ZBTB11: variants seen among roughly 807,000 people sequenced by gnomAD.
ZBTB11 encodes zinc finger and BTB domain containing 11.
In ZBTB11, 68 loss-of-function variants were observed where a neutral mutation model predicts 113.1. The ratio of observed to expected loss-of-function variants is 0.60; its 90% CI spans 0.49 to 0.74. The LOEUF (loss-of-function observed/expected upper bound fraction) is 0.74, where lower values mean the gene tolerates loss of function less well. Ranked by LOEUF, ZBTB11 falls within the 30% of genes least tolerant of loss-of-function variation. The probability of loss-of-function intolerance (pLI) is 0.00; values close to 1 mark genes in which losing one functional copy is unlikely to be tolerated. For synonymous variants in ZBTB11, 518 were observed against 452.6 expected, an observed-to-expected ratio of 1.14 and a Z score of -1.83; for missense variants, 1,104 against 1,279.4, an observed-to-expected ratio of 0.86 and a Z score of 2.09.
Position 101,665,640 on chromosome 3 carries a change from A to T in ZBTB11, c.947T>A (p.Leu316Gln), listed in dbSNP as rs753170907. 3 of 1,614,202 alleles carry T rather than the reference A, an allele frequency of 1.9e-6. No individual in the cohort carries two copies. The highest frequency in any genetic ancestry group is 2.5e-6 in the Non-Finnish European group (3 of 1,180,042). Residue 316 changes from leucine (L) to glutamine (Q), a missense_variant, in exon 4 of 11, where the codon CTA becomes CAA. Leu to Gln is a moderately radical substitution (Grantham distance 113, BLOSUM62 -2). Transcript: ENST00000312938. ...SVHKLMEEKQ[L>Q]TVYKKGEVQT... ...TACTTCGCCCTTCTTATATACTGTT[A>T]GCTGCTTCTCTTCCATTAGCTTATG... is the stretch of plus-strand genomic sequence containing the variant.
At chr3:101,672,814 C>CA (rs1937103983) in intron 1 of ZBTB11, among the ~76,000 whole-genome samples, 1 of 152,250 alleles carries the variant, frequency 6.6e-6, no homozygotes, top group Non-Finnish European at 1.5e-5. Context: ...GATTTGCACA[C>CA]ATGTGATGTG....
intron 2 of ZBTB11, 175 bp downstream of exon 2, chr3:101,671,802 AT>A (rs1937090264): frequency 1.6e-6 from 1 of 617,034 alleles, no homozygotes; most frequent in East Asian, 2.7e-5. Context: ...TTCTGAAAAA[AT>A]AACAGGAACA....
At chr3:101,676,491 C>T in intron 1 of ZBTB11, 114 bp downstream of exon 1, 1 of 1,117,510 alleles carries the variant, frequency 8.9e-7, no homozygotes. Context: ...AGCAGCTCCG[C>T]CGCCCAGAGG....
chr3:101,663,238 AATTTTTGT>A (rs1936923965), intron 5 of ZBTB11, among the ~76,000 whole-genome samples: 1 of 151,790 alleles, frequency 6.6e-6, no homozygotes, highest in African/African-American at 2.4e-5. Context: ...GCACCCAGCC[AATTTTTGT>A]ATTTTTGTAG....
intron 5 of ZBTB11, among the ~76,000 whole-genome samples, chr3:101,664,059 G>A (rs1252859783): frequency 6.6e-6 from 1 of 152,174 alleles, no homozygotes; most frequent in Admixed American, 6.5e-5. Context: ...GTAGAAGATG[G>A]ATCTTTGGCT....
At chr3:101,660,719 T>A (rs1400252613) in intron 5 of ZBTB11, among the ~76,000 whole-genome samples, 1 of 152,224 alleles carries the variant, frequency 6.6e-6, no homozygotes, top group Non-Finnish European at 1.5e-5. Context: ...TCTTTATCAA[T>A]ATAGTTATAT....
chr3:101,676,036 C>T (rs1337694386), intron 1 of ZBTB11, among the ~76,000 whole-genome samples: 1 of 152,240 alleles, frequency 6.6e-6, no homozygotes, highest in African/African-American at 2.4e-5. Flanking sequence ...CTCAATCACT[C>T]CTTATCACTT....
At chr3:101,663,664 G>A (rs1482482403) in intron 5 of ZBTB11, among the ~76,000 whole-genome samples, 1 of 152,152 alleles carries the variant, frequency 6.6e-6, no homozygotes, top group Non-Finnish European at 1.5e-5. Flanking sequence ...GCAGAGACAG[G>A]TGGATCATTT....
Position 101,649,309 on chromosome 3 carries a change from A to G in ZBTB11, c.*1857T>C, listed in dbSNP as rs1208263131. The G allele has an allele frequency of 6.6e-6, 1 of 152,196 alleles. No homozygotes were observed. Among genetic ancestry groups the G allele is most frequent in the Non-Finnish European group, 1.5e-5 (1 of 68,032 alleles). 9.4% of individuals were successfully genotyped at this position (152,196 alleles called of 1,614,324 possible). A position where few individuals can be genotyped will look rare whatever the true frequency, so the allele number is the denominator to read the frequency against. On this transcript the variant is annotated 3_prime_UTR_variant, in exon 11 of 11. Transcript: ENST00000312938. The stretch of plus-strand genomic sequence containing the variant: ...TTATATGTAAGAGTAAGAAGTTTTA[A>G]TATTGTGTTCCTCCAATCGTTATTT...
chr3:101,672,270 A>C (rs1233954066), intron 1 of ZBTB11, 57 bp from the exon 2 acceptor site: 8 of 1,256,900 alleles, frequency 6.4e-6, no homozygotes, highest in Middle Eastern at 2.3e-4. Flanking sequence ...AACAGAATAT[A>C]TTATTTAGTC....
At position 101,652,128 on chromosome 3, in the gene ZBTB11, CA is replaced by C. The variant is rs756406346; in HGVS notation, c.2644+367del. On this transcript the variant is annotated intron_variant, in intron 10 of 10. Transcript: ENST00000312938. ...TGGGTGACAGAGCAAGACTTTGTCT[CA>C]AAAAAAAAAAGAATAAACAAGATTC... 4.2e-3 allele frequency among the ~76,000 whole-genome samples: 588 copies of C among 141,218 alleles called. 3 individuals carry two copies. Among genetic ancestry groups the C allele is most frequent in the Admixed American group, 0.013 (180 of 14,162 alleles). 92.6% of individuals were successfully genotyped at this position (141,218 alleles called of 152,430 possible). A position where few individuals can be genotyped will look rare whatever the true frequency, so the allele number is the denominator to read the frequency against.
chr3:101,657,602 T>A (rs1318598347), intron 6 of ZBTB11, among the ~76,000 whole-genome samples: 13 of 152,034 alleles, frequency 8.6e-5, no homozygotes, highest in Non-Finnish European at 1.5e-5. Context: ...CACGAGCTGG[T>A]AACTACTGAA....
In ZBTB11 at chr3:101,651,588, A is replaced by AGGGCCG. The variant is rs1199812327; in HGVS notation, c.2734_2739dup (p.Arg912_Pro913dup). The AGGGCCG allele has an allele frequency of 6.2e-7, 1 of 1,613,516 alleles. No individual in the cohort carries two copies. Among genetic ancestry groups the AGGGCCG allele is most frequent in the Non-Finnish European group, 8.5e-7 (1 of 1,179,916 alleles). On this transcript the variant is annotated inframe_insertion, in exon 11 of 11. Transcript: ENST00000312938. ...GCTTCGCTACATACAGGACAGACAT[A>AGGGCCG]GGGCCGTTCACCAGTATGTGTTCTG...
chr3:101,671,512 T>C (rs1937084873), intron 2 of ZBTB11, 151 bp from the exon 3 acceptor site: 1 of 633,748 alleles, frequency 1.6e-6, no homozygotes. Context: ...AATAAAAAGA[T>C]ATGTTGTCCT....
chr3:101,662,984 G>A (rs999961507), intron 5 of ZBTB11, among the ~76,000 whole-genome samples: 1 of 150,752 alleles, frequency 6.6e-6, no homozygotes, highest in Non-Finnish European at 1.5e-5. Context: ...CTGTTGCCCA[G>A]GCTGGAGTGC....
chr3:101,651,064 G>T lies in ZBTB11; in HGVS notation c.*102C>A. 2 of 1,363,232 alleles carry T rather than the reference G, an allele frequency of 1.5e-6. No homozygotes were observed. The highest frequency in any genetic ancestry group is 2.0e-6 in the Non-Finnish European group (2 of 1,015,414). 84.4% of individuals were successfully genotyped at this position (1,363,232 alleles called of 1,614,324 possible). A position where few individuals can be genotyped will look rare whatever the true frequency, so the allele number is the denominator to read the frequency against. ...ACGTTACCAAACAGCCCAGAACTTT[G>T]ATATGTAAACTCCAAGCAGACAGTC... On this transcript the variant is annotated 3_prime_UTR_variant, in exon 11 of 11. Transcript: ENST00000312938.
chr3:101,657,805 C>G (rs932291153), intron 6 of ZBTB11, among the ~76,000 whole-genome samples: 1 of 151,526 alleles, frequency 6.6e-6, no homozygotes, highest in African/African-American at 2.4e-5. Flanking sequence ...GGCAATATAG[C>G]AAGATCTATA....
Position 101,671,725 on chromosome 3 carries a change from AT to A in ZBTB11, c.546+252del, listed in dbSNP as rs1478822708. 1.0e-5 allele frequency: 6 copies of A among 596,790 alleles called. No individual in the cohort carries two copies. The African/African-American group carries it at 1.1e-4, about 11-fold the overall frequency. The allele number at this position is 596,790 out of a possible 1,614,324, so 37.0% of individuals were successfully genotyped here. A position where few individuals can be genotyped will look rare whatever the true frequency, so the allele number is the denominator to read the frequency against. ...AATGTAAATCTGTCTACTTGTACCA[AT>A]ATATCATCACAAAAGAAGGGAGGGA... On this transcript the variant is annotated intron_variant, in intron 2 of 10. Transcript: ENST00000312938.
chr3:101,662,129 G>C (rs1010262406), intron 5 of ZBTB11: 7 of 151,898 alleles, frequency 4.6e-5, no homozygotes, highest in African/African-American at 1.7e-4. Flanking sequence ...CTGTAACTGT[G>C]AACAGTCAAT....
Sources: allele counts gnomAD v4.1 joint callset (sites outside exome capture counted in the v4.1 genomes callset), GRCh38; gene constraint gnomAD v4.1.1; transcripts MANE v1.5; gene names NCBI Gene and HGNC (gene_info 2026-07-23, HGNC 2026-07-21).